Variants in RGS6 observed in about 807,000 individuals in gnomAD.
RGS6 encodes the protein regulator of G-protein signaling 6.
Under a neutral mutation model 78.5 loss-of-function variants are expected in RGS6, and 30 were observed. The ratio of observed to expected loss-of-function variants is 0.38; its 90% CI spans 0.29 to 0.52. RGS6 has a LOEUF of 0.52. Among genes scored for constraint, RGS6 ranks in the 20% least tolerant of loss-of-function variants. The pLI is 0.85. For missense variants in RGS6, 495 were observed against 609.7 expected (o/e 0.81, Z 1.98); for synonymous variants, 206 against 206.0 (o/e 1.00, Z 0.00).
intron 2 of RGS6, among the ~76,000 whole-genome samples, chr14:72,085,565 T>A (rs1172536712): frequency 6.6e-6 from 1 of 152,010 alleles, no homozygotes; most frequent in Non-Finnish European, 1.5e-5. Flanking sequence ...ATAATAAGCA[T>A]CAGAAGGGCT....
chr14:72,284,795 C>T (rs1041523524), intron 2 of RGS6, among the ~76,000 whole-genome samples: 4 of 152,174 alleles, frequency 2.6e-5, no homozygotes, highest in African/African-American at 9.7e-5. Context: ...CACTCAAAGC[C>T]AGCCCTGAAA....
At chr14:72,330,938 G>A (rs796744779) in intron 2 of RGS6, among the ~76,000 whole-genome samples, 1 of 152,182 alleles carries the variant, frequency 6.6e-6, no homozygotes, top group Admixed American at 6.5e-5. Context: ...GTGGTCTGCA[G>A]GGTACCTTTG....
At chr14:72,368,869 A>C (rs2082915084) in intron 3 of RGS6, among the ~76,000 whole-genome samples, 1 of 152,152 alleles carries the variant, frequency 6.6e-6, no homozygotes, top group African/African-American at 2.4e-5. Flanking sequence ...ATCTGTAAAC[A>C]TTTGTTGATA....
intron 6 of RGS6, among the ~76,000 whole-genome samples, chr14:72,462,524 G>A (rs1014938961): frequency 9.9e-5 from 15 of 150,938 alleles, no homozygotes; most frequent in African/African-American, 2.5e-5. Context: ...GACTGTGGAA[G>A]ATTAAGTAAG....
rs1261344591 is a variant in RGS6, at chr14:72,565,872, G to A, written c.*3405G>A. 2.0e-5 allele frequency: 3 copies of A among 152,222 alleles called. No homozygotes were observed. Among genetic ancestry groups the A allele is most frequent in the Non-Finnish European group, 4.4e-5 (3 of 68,056 alleles). 9.4% of individuals were successfully genotyped at this position (152,222 alleles called of 1,614,324 possible). A position where few individuals can be genotyped will look rare whatever the true frequency, so the allele number is the denominator to read the frequency against. ...CCACCAGGAAAGCCTTCCCAGAAGAGGGAAAGGATTAAGGGCTCTCTTCCT... is the reference window on the plus strand; with the variant it reads ...CCACCAGGAAAGCCTTCCCAGAAGAAGGAAAGGATTAAGGGCTCTCTTCCT... On this transcript the variant is annotated 3_prime_UTR_variant, in exon 18 of 18. Coordinates refer to ENST00000553525, the MANE Select transcript of RGS6 (RefSeq NM_001204424.2).
the RGS6 span, among the ~76,000 whole-genome samples, chr14:71,883,710 T>A: frequency 6.6e-6 from 1 of 152,196 alleles, no homozygotes; most frequent in Non-Finnish European, 1.5e-5. Flanking sequence ...GAAACAAAGA[T>A]GGCAACAAAA....
Position 72,219,743 on chromosome 14 carries a change from T to C in RGS6, c.85-132352T>C, listed in dbSNP as rs573804298. 2.6e-5 allele frequency among the ~76,000 whole-genome samples: 4 copies of C among 152,310 alleles called. No homozygotes were observed. The East Asian group carries it at 5.8e-4, about 22-fold the overall frequency. On this transcript the variant is annotated intron_variant, in intron 2 of 17. Transcript: ENST00000553525. ...AACCTTCCTCTTGTGATTTAAGGTC[T>C]CCTGTCTTATTGTATCTCCAAGACT...
chr14:72,611,945 G>A, the RGS6 span, among the ~76,000 whole-genome samples: 1 of 152,154 alleles, frequency 6.6e-6, no homozygotes, highest in Non-Finnish European at 1.5e-5. Flanking sequence ...GCTTGGCAGA[G>A]CTTAATTTCA....
chr14:71,874,344 A>G, the RGS6 span, among the ~76,000 whole-genome samples: 1 of 151,956 alleles, frequency 6.6e-6, no homozygotes, highest in African/African-American at 2.4e-5. Context: ...GTTCTCCTTG[A>G]AGAGGTCCTT....
chr14:72,116,304 T>C (rs1280284372), intron 2 of RGS6, among the ~76,000 whole-genome samples: 1 of 152,116 alleles, frequency 6.6e-6, no homozygotes, highest in Non-Finnish European at 1.5e-5. Flanking sequence ...ATGTGGCAGG[T>C]AGCTTCTAGA....
intron 3 of RGS6, among the ~76,000 whole-genome samples, chr14:72,360,660 T>G (rs1043681236): frequency 3.3e-5 from 5 of 152,082 alleles, no homozygotes; most frequent in African/African-American, 9.7e-5. Context: ...CCTAGTAATC[T>G]GGAAACCAAA....
chr14:72,439,040 T>C (rs1384158771), intron 3 of RGS6, among the ~76,000 whole-genome samples: 2 of 152,240 alleles, frequency 1.3e-5, no homozygotes, highest in African/African-American at 4.8e-5. Context: ...ATCTCCTTCT[T>C]GTTCCTGAGT....
rs369958117 is a variant in RGS6 at position 72,120,103 on chromosome 14, A to G, written c.84+155228A>G. On this transcript the variant is annotated intron_variant, in intron 2 of 17. Coordinates refer to ENST00000553525, the MANE Select transcript of RGS6 (RefSeq NM_001204424.2). ...AGATTTGTACTGTATTTTCCATGCA[A>G]TGCAAGATCCATTAGAGGGATTTGA... is the stretch of plus-strand genomic sequence containing the variant. Among the ~76,000 whole-genome samples, 141 of 152,342 alleles carry G rather than the reference A, an allele frequency of 9.3e-4. 5 individuals are homozygous for G. The South Asian group carries it at 0.028, about 30-fold the overall frequency.
chr14:71,903,059 A>T, the RGS6 span, among the ~76,000 whole-genome samples: 1 of 152,250 alleles, frequency 6.6e-6, no homozygotes, highest in African/African-American at 2.4e-5. Flanking sequence ...ACATTGGCTT[A>T]GGTATGGCAG....
In RGS6 at chr14:72,462,131, G is replaced by T. The variant is rs534591742; in HGVS notation, c.394+2448G>T. 2.6e-3 allele frequency among the ~76,000 whole-genome samples: 399 copies of T among 152,230 alleles called. 2 individuals are homozygous for T. The highest frequency in any genetic ancestry group is 9.3e-3 in the African/African-American group (387 of 41,528). Reference sequence around the variant, plus strand: ...AGAAACTTTCATTCAATTGACAAACGTTTACTGGTCCCTACTCTGTCAAAT... The same window carrying T: ...AGAAACTTTCATTCAATTGACAAACTTTTACTGGTCCCTACTCTGTCAAAT... On this transcript the variant is annotated intron_variant, in intron 6 of 17. Transcript: ENST00000553525.
At chr14:72,247,086 A>G (rs847248) in intron 2 of RGS6, among the ~76,000 whole-genome samples, 135,879 of 152,144 alleles carry the variant, frequency 0.89, 60,874 homozygotes, top group South Asian at 0.93. Flanking sequence ...AAGTTATTCT[A>G]AAAGCCTAAA....
chr14:72,435,230 C>A (rs1444895562), intron 3 of RGS6, among the ~76,000 whole-genome samples: 1 of 152,188 alleles, frequency 6.6e-6, no homozygotes, highest in Non-Finnish European at 1.5e-5. Flanking sequence ...AAGATGGATT[C>A]AAGATGTGGC....
chr14:72,597,896 G>A, the RGS6 span, among the ~76,000 whole-genome samples: 13 of 152,206 alleles, frequency 8.5e-5, no homozygotes, highest in Admixed American at 2.6e-4. Context: ...GGAGGGAGCC[G>A]GCAGCTCTCC....
chr14:72,416,486 C>T (rs2093818535), intron 3 of RGS6, among the ~76,000 whole-genome samples: 1 of 152,134 alleles, frequency 6.6e-6, no homozygotes, highest in South Asian at 2.1e-4. Context: ...TCAAAGTGTT[C>T]TCAGTTAATT....
Sources: allele counts gnomAD v4.1 joint callset (sites outside exome capture counted in the v4.1 genomes callset), GRCh38; gene constraint gnomAD v4.1.1; transcripts MANE v1.5; gene names NCBI Gene and HGNC (gene_info 2026-07-23, HGNC 2026-07-21).